Variants in COL24A1 observed in about 807,000 individuals in gnomAD.
The protein encoded by COL24A1 is collagen type XXIV alpha 1 chain.
COL24A1 carries 224 observed loss-of-function variants against 253.9 expected under a neutral mutation model. The ratio of observed to expected loss-of-function variants is 0.88; its 90% confidence interval spans 0.79 to 0.99. The LOEUF (loss-of-function observed/expected upper bound fraction) is 0.99. COL24A1 is among the 50% of genes least tolerant of loss of function. The pLI, the probability that COL24A1 is intolerant of heterozygous loss-of-function variation, is 0.00. For synonymous variants in COL24A1, 685 were observed against 673.7 expected (o/e 1.02, Z -0.26); for missense variants, 2,131 against 2,068.5 (o/e 1.03, Z -0.59).
chr1:85,773,096 A>T (rs1356122542), intron 53 of COL24A1, among the ~76,000 whole-genome samples: 1 of 152,190 alleles, frequency 6.6e-6, no homozygotes, highest in Admixed American at 6.5e-5. Context: ...ATGGCAAGCC[A>T]GTTTTCCCAG....
chr1:86,079,326 C>A (rs1009270509), intron 7 of COL24A1, among the ~76,000 whole-genome samples: 3 of 152,046 alleles, frequency 2.0e-5, no homozygotes, highest in Non-Finnish European at 4.4e-5. Flanking sequence ...AGACTTAAAT[C>A]TAAAACCTCA....
chr1:85,779,761 T>G (rs1002010911), intron 52 of COL24A1, among the ~76,000 whole-genome samples: 2 of 152,180 alleles, frequency 1.3e-5, no homozygotes, highest in African/African-American at 4.8e-5. Flanking sequence ...TATTACCATA[T>G]AGTTTCATTT....
chr1:86,115,457 C>T, intron 3 of COL24A1, 79 bp from the exon 4 acceptor site: 1 of 1,354,628 alleles, frequency 7.4e-7, no homozygotes, highest in Non-Finnish European at 1.0e-6. Context: ...AGATTTCCAC[C>T]CAAAGACAAC....
At chr1:86,040,035 A>G (rs1699340817) in intron 12 of COL24A1, among the ~76,000 whole-genome samples, 1 of 152,168 alleles carries the variant, frequency 6.6e-6, no homozygotes, top group South Asian at 2.1e-4. Context: ...GCATCAAGGC[A>G]GGCTTAATGC....
intron 58 of COL24A1, chr1:85,736,234 C>T (rs1223746253): frequency 4.4e-6 from 2 of 450,512 alleles, no homozygotes; most frequent in Non-Finnish European, 8.9e-6. Flanking sequence ...AACCCCAGTC[C>T]CTGATTCCAA....
chr1:85,829,193 G>T (rs1030217804), intron 43 of COL24A1, among the ~76,000 whole-genome samples: 10 of 150,952 alleles, frequency 6.6e-5, no homozygotes, highest in African/African-American at 1.5e-4. Flanking sequence ...AGCTTAGTTT[G>T]GCTGGATATG....
At chr1:85,758,079 T>A (rs1666449970) in intron 55 of COL24A1, among the ~76,000 whole-genome samples, 1 of 152,098 alleles carries the variant, frequency 6.6e-6, no homozygotes, top group Non-Finnish European at 1.5e-5. Flanking sequence ...TCTTCATAAT[T>A]CTCTCCAAAT....
At chr1:86,145,172 T>G (rs957646946) in intron 2 of COL24A1, among the ~76,000 whole-genome samples, 1 of 152,130 alleles carries the variant, frequency 6.6e-6, no homozygotes, top group African/African-American at 2.4e-5. Flanking sequence ...CTCTCTACCT[T>G]GCACATATTT....
At chr1:86,014,736 T>G (rs944251947) in intron 19 of COL24A1, among the ~76,000 whole-genome samples, 5 of 152,166 alleles carry the variant, frequency 3.3e-5, no homozygotes, top group Non-Finnish European at 7.4e-5. Flanking sequence ...TTTTATGTAT[T>G]GTGAATTATA....
intron 59 of COL24A1, among the ~76,000 whole-genome samples, chr1:85,731,120 A>C (rs1164890855): frequency 6.6e-6 from 1 of 152,262 alleles, no homozygotes; most frequent in African/African-American, 2.4e-5. Flanking sequence ...GAAAATAAAC[A>C]GAATCACCTC....
chr1:85,775,975 A>G (rs567463385), intron 52 of COL24A1, among the ~76,000 whole-genome samples: 1 of 152,294 alleles, frequency 6.6e-6, no homozygotes, highest in East Asian at 1.9e-4. Context: ...TTATTCATTC[A>G]ATTAAGTCAA....
At chr1:86,032,309 G>A (rs565453601) in intron 13 of COL24A1, among the ~76,000 whole-genome samples, 5 of 151,914 alleles carry the variant, frequency 3.3e-5, no homozygotes, top group African/African-American at 9.7e-5. Flanking sequence ...ATTTTCAGAC[G>A]GTTTAAAACA....
intron 20 of COL24A1, among the ~76,000 whole-genome samples, chr1:85,980,210 ACAAAC>A (rs1693111585): frequency 2.0e-5 from 3 of 152,244 alleles, no homozygotes; most frequent in African/African-American, 7.2e-5. Flanking sequence ...GCCATCTATG[ACAAAC>A]CCACAGTGAA....
chr1:86,134,148 T>C (rs1291101428), intron 2 of COL24A1, among the ~76,000 whole-genome samples: 3 of 151,866 alleles, frequency 2.0e-5, no homozygotes, highest in Non-Finnish European at 4.4e-5. Context: ...GAGGTGTTTA[T>C]AGTATTCTCT....
intron 19 of COL24A1, among the ~76,000 whole-genome samples, chr1:85,997,055 G>GTGTGTGTGTGTGTGTATATA: frequency 2.1e-5 from 2 of 95,122 alleles, no homozygotes; most frequent in Non-Finnish European, 4.9e-5. Context: ...GTGTGTGTGT[G>GTGTGTGTGTGTGTGTATATA]TATATATATA....
At chr1:86,139,526 C>G (rs941648369) in intron 2 of COL24A1, among the ~76,000 whole-genome samples, 5 of 152,074 alleles carry the variant, frequency 3.3e-5, no homozygotes, top group African/African-American at 1.2e-4. Context: ...TTTTACATCT[C>G]TTAGTAATTG....
intron 7 of COL24A1, among the ~76,000 whole-genome samples, chr1:86,081,144 GA>G (rs1301193869): frequency 6.6e-6 from 1 of 152,078 alleles, no homozygotes; most frequent in Non-Finnish European, 1.5e-5. Flanking sequence ...AAATTAGTTT[GA>G]AAGTGTTTGC....
intron 47 of COL24A1, 117 bp downstream of exon 47, chr1:85,816,671 G>T: frequency 1.3e-6 from 1 of 791,324 alleles, no homozygotes; most frequent in Non-Finnish European, 2.2e-6. Context: ...TTAGAGAAAT[G>T]AACTGGCTTA....
intron 9 of COL24A1, among the ~76,000 whole-genome samples, chr1:86,058,449 T>C (rs902174248): frequency 6.6e-6 from 1 of 151,172 alleles, no homozygotes; most frequent in East Asian, 2.0e-4. Flanking sequence ...CTAAGTGTTT[T>C]TAAAGTCCTA....
Sources: gnomAD v4.1 joint callset for allele counts (sites outside exome capture counted in the v4.1 genomes callset) on GRCh38, gnomAD v4.1.1 for gene constraint, MANE v1.5 for transcripts, NCBI Gene and HGNC (gene_info 2026-07-23, HGNC 2026-07-21) for gene names.